FEZ2: variants seen among roughly 807,000 people sequenced by gnomAD.
FEZ2 encodes fasciculation and elongation protein zeta-2.
FEZ2 carries 51 observed loss-of-function variants against 40.4 expected under a neutral mutation model. The observed-to-expected ratio is 1.26, with a 90% CI of 1.01 to 1.59. The LOEUF is 1.59. Ranked by LOEUF, FEZ2 falls within the 40% of genes most tolerant of loss-of-function variation. The pLI is 0.00. For missense variants in FEZ2, 640 were observed against 438.3 expected, an observed-to-expected ratio of 1.46 and a Z score of -4.11; for synonymous variants, 242 against 172.0, an observed-to-expected ratio of 1.41 and a Z score of -3.18.
At chr2:36,579,898 A>T (rs901141466) in intron 4 of FEZ2, among the ~76,000 whole-genome samples, 2 of 152,274 alleles carry the variant, frequency 1.3e-5, no homozygotes, top group East Asian at 3.9e-4. Context: ...GGGGGTCTTT[A>T]AAGAGGTAAA....
At chr2:36,576,228 C>G (rs1668564031) in intron 5 of FEZ2, among the ~76,000 whole-genome samples, 1 of 152,058 alleles carries the variant, frequency 6.6e-6, no homozygotes, top group African/African-American at 2.4e-5. Flanking sequence ...TTCCAGCCTA[C>G]TTGTGTCACA....
intron 5 of FEZ2, among the ~76,000 whole-genome samples, chr2:36,577,492 G>T (rs1343638118): frequency 1.3e-5 from 2 of 152,184 alleles, no homozygotes; most frequent in Non-Finnish European, 2.9e-5. Context: ...GACCTCAGGT[G>T]ATCAGCCCAC....
At chr2:36,580,641 G>C (rs1232833718) in intron 4 of FEZ2, among the ~76,000 whole-genome samples, 1 of 152,140 alleles carries the variant, frequency 6.6e-6, no homozygotes, top group Admixed American at 6.6e-5. Context: ...GTACAAACAG[G>C]AATTGCATTT....
At chr2:36,584,724 A>G (rs1668853840) in intron 2 of FEZ2, among the ~76,000 whole-genome samples, 1 of 152,258 alleles carries the variant, frequency 6.6e-6, no homozygotes, top group South Asian at 2.1e-4. Context: ...TGCAGAGGAT[A>G]TATGTCTAAA....
chr2:36,578,668 T>C lies in FEZ2; in HGVS notation c.832A>G (p.Lys278Glu), dbSNP rs774716029. The C allele has an allele frequency of 1.2e-6, 2 of 1,613,836 alleles. No individual in the cohort carries two copies. Among genetic ancestry groups the C allele is most frequent in the East Asian group, 2.2e-5 (1 of 44,890 alleles). ...CCATTTTTTAGTTTCTTTTTCTTTT[T>C]TGCTGTTTCTTTGTGCTCTTTCTGT... Reference protein sequence around the residue: ...NKQKEHKETAKKKKKLKNGSS... With the variant: ...NKQKEHKETAEKKKKLKNGSS... The change falls in exon 5 of 8, where the codon AAA (lysine) becomes GAA (glutamate). Residue 278 changes from lysine (K) to glutamate (E), a missense_variant. By Grantham distance (56) the Lys-to-Glu change is moderately conservative. Coordinates refer to ENST00000405912, the MANE Select transcript of FEZ2 (RefSeq NM_005102.3).
At chr2:36,581,505 C>T in intron 3 of FEZ2, 74 bp from the exon 4 acceptor site, 1 of 1,345,232 alleles carries the variant, frequency 7.4e-7, no homozygotes, top group Non-Finnish European at 1.1e-6. Context: ...CAGTGCTCAC[C>T]TAAGGCACCC....
chr2:36,583,462 T>A lies in FEZ2; in HGVS notation c.383A>T (p.Asp128Val). 1.3e-6 allele frequency: 2 copies of A among 1,558,506 alleles called. No homozygotes were observed. The highest frequency in any genetic ancestry group is 1.8e-6 in the Non-Finnish European group (2 of 1,129,556). ...TLNLSEKGVSDSLLFDTSDDE... is the reference protein window; with the variant it reads ...TLNLSEKGVSVSLLFDTSDDE... ...ATCTGATGTATCAAAGAGCAAACTG[T>A]CACTTACCTAAAAACAAAAATACCC... The change falls in exon 3 of 8, where the codon GAC becomes GTC. Residue 128 changes from aspartate (D) to valine (V), a missense_variant. By Grantham distance (152) the Asp-to-Val change is radical. Transcript: ENST00000405912.
At chr2:36,573,540 C>G (rs569232390) in intron 5 of FEZ2, among the ~76,000 whole-genome samples, 56 of 152,344 alleles carry the variant, frequency 3.7e-4, no homozygotes, top group African/African-American at 1.3e-3. Flanking sequence ...CTCCTGTACA[C>G]TGAAGTTTCA....
At chr2:36,568,831 T>C (rs977351092) in intron 5 of FEZ2, among the ~76,000 whole-genome samples, 1 of 152,214 alleles carries the variant, frequency 6.6e-6, no homozygotes, top group Admixed American at 6.5e-5. Context: ...TAAGTATGTA[T>C]TGAAAGTCTC....
intron 1 of FEZ2, among the ~76,000 whole-genome samples, chr2:36,595,041 G>A (rs887284692): frequency 1.3e-5 from 2 of 152,144 alleles, no homozygotes; most frequent in South Asian, 2.1e-4. Flanking sequence ...CAACGGTCAG[G>A]ACAGCTCTTT....
At chr2:36,585,491 G>A (rs72795281) in intron 2 of FEZ2, among the ~76,000 whole-genome samples, 4,837 of 151,944 alleles carry the variant, frequency 0.032, 121 homozygotes, top group South Asian at 0.12. Context: ...AGAGCATGGA[G>A]AAGAGGGAGA....
At chr2:36,558,126 T>A in intron 6 of FEZ2, 1 of 183,636 alleles carries the variant, frequency 5.4e-6, no homozygotes, top group Non-Finnish European at 1.1e-5. Flanking sequence ...GAATTTTATT[T>A]ATGATAAATG....
intron 5 of FEZ2, among the ~76,000 whole-genome samples, chr2:36,562,035 T>C (rs1023066881): frequency 6.6e-6 from 1 of 152,198 alleles, no homozygotes; most frequent in Non-Finnish European, 1.5e-5. Flanking sequence ...AAGTTGTCTT[T>C]TTTACTCTCA....
chr2:36,552,933 A>C lies in FEZ2; in HGVS notation c.*230T>G. On this transcript the variant is annotated 3_prime_UTR_variant, in exon 8 of 8. Transcript: ENST00000405912. ...CTCTCTCTTAATCTACTAAGAGAACAGTTTATTAGTAGATTTAACAAAAAC... is the reference window on the plus strand; with the variant it reads ...CTCTCTCTTAATCTACTAAGAGAACCGTTTATTAGTAGATTTAACAAAAAC... 1.9e-6 allele frequency: 1 copy of C among 523,640 alleles called. No individual in the cohort carries two copies. Among genetic ancestry groups the C allele is most frequent in the Non-Finnish European group, 3.4e-6 (1 of 291,514 alleles). 32.4% of individuals were successfully genotyped at this position (523,640 alleles called of 1,614,324 possible).
chr2:36,555,523 G>A, intron 7 of FEZ2, 160 bp downstream of exon 7: 3 of 448,120 alleles, frequency 6.7e-6, no homozygotes, highest in Middle Eastern at 6.1e-4. Flanking sequence ...GATATATAAT[G>A]TTGGTAGAAG....
rs1667844232 is a variant in FEZ2 at position 36,552,645 on chromosome 2, T to C, written c.*518A>G. ...GTTAGCACTAAGTATTAAACCAAAGTAATGCATATTCTGGTTTTGCTTCTT... is the reference window on the plus strand; with the variant it reads ...GTTAGCACTAAGTATTAAACCAAAGCAATGCATATTCTGGTTTTGCTTCTT... On this transcript the variant is annotated 3_prime_UTR_variant, in exon 8 of 8. Coordinates refer to ENST00000405912, the MANE Select transcript of FEZ2 (RefSeq NM_005102.3). 1 of 205,348 alleles carries C rather than the reference T, an allele frequency of 4.9e-6. No homozygotes were observed. The highest frequency in any genetic ancestry group is 9.9e-6 in the Non-Finnish European group (1 of 100,584). 12.7% of individuals were successfully genotyped at this position (205,348 alleles called of 1,614,324 possible).
chr2:36,583,406 G>T lies in FEZ2; in HGVS notation c.439C>A (p.His147Asn). ...TTAACACAGGAGACGATGATTGAGT[G>T]CATATCCAGCTGTTCTCTCAGCTCT... ...DEELREQLDMHSIIVSCVNDE... is the reference protein window; with the variant it reads ...DEELREQLDMNSIIVSCVNDE... Residue 147 changes from histidine (H) to asparagine (N), a missense_variant, in exon 3 of 8, where the codon CAC (histidine) becomes AAC (asparagine). By Grantham distance (68) the His-to-Asn change is moderately conservative. Transcript: ENST00000405912. 1 of 1,609,530 alleles carries T rather than the reference G, an allele frequency of 6.2e-7. No individual in the cohort carries two copies. The highest frequency in any genetic ancestry group is 8.5e-7 in the Non-Finnish European group (1 of 1,175,946).
At chr2:36,585,396 G>A (rs926742341) in intron 2 of FEZ2, among the ~76,000 whole-genome samples, 2 of 152,066 alleles carry the variant, frequency 1.3e-5, no homozygotes, top group African/African-American at 4.8e-5. Context: ...GAGAATTCTC[G>A]TAATGATAGT....
chr2:36,563,506 T>C (rs1163610334), intron 5 of FEZ2, among the ~76,000 whole-genome samples: 1 of 147,924 alleles, frequency 6.8e-6, no homozygotes, highest in Admixed American at 6.8e-5. Flanking sequence ...AATCAGAAGG[T>C]TCTACAGGAA....
Sources: gnomAD v4.1 joint callset for allele counts (sites outside exome capture counted in the v4.1 genomes callset) on GRCh38, gnomAD v4.1.1 for gene constraint, MANE v1.5 for transcripts, NCBI Gene and HGNC (gene_info 2026-07-23, HGNC 2026-07-21) for gene names.